DLG1: variants seen among roughly 807,000 people sequenced by gnomAD.
DLG1 encodes disks large homolog 1.
DLG1 carries 42 observed loss-of-function variants against 123.4 expected under a neutral mutation model. That is an observed-to-expected ratio of 0.34 (90% CI 0.27 to 0.44). The LOEUF is 0.44. Ranked by LOEUF, DLG1 falls within the 20% of genes least tolerant of loss-of-function variation. The pLI is 1.00. For synonymous variants in DLG1, 317 were observed against 356.2 expected (o/e 0.89, Z 1.24); for missense variants, 942 against 1,082.6 (o/e 0.87, Z 1.82).
intron 4 of DLG1, among the ~76,000 whole-genome samples, chr3:197,280,767 T>C (rs575560046): frequency 6.6e-6 from 1 of 152,276 alleles, no homozygotes; most frequent in South Asian, 2.1e-4. Context: ...GTTTAACATG[T>C]TTTTTACATA....
chr3:197,094,766 T>G (rs1405282508), intron 14 of DLG1, among the ~76,000 whole-genome samples: 3 of 152,216 alleles, frequency 2.0e-5, no homozygotes, highest in African/African-American at 7.2e-5. Flanking sequence ...GTTGATATAT[T>G]TGATTCCAGT....
chr3:197,287,734 C>T (rs184723135), intron 3 of DLG1, among the ~76,000 whole-genome samples: 1 of 152,158 alleles, frequency 6.6e-6, no homozygotes, highest in African/African-American at 2.4e-5. Flanking sequence ...CAACAAAATG[C>T]ACAATAAAAC....
At chr3:197,223,287 C>G (rs946663639) in intron 4 of DLG1, among the ~76,000 whole-genome samples, 3 of 152,086 alleles carry the variant, frequency 2.0e-5, no homozygotes, top group Admixed American at 2.0e-4. Context: ...GATACTGCTC[C>G]AATTATACAC....
At chr3:197,136,726 G>A (rs778111063) in intron 9 of DLG1, 48 bp from the exon 10 acceptor site, 26 of 1,527,058 alleles carry the variant, frequency 1.7e-5, no homozygotes, top group Non-Finnish European at 2.3e-5. Context: ...ATGAACTTAA[G>A]CCCAGAAAGA....
chr3:197,172,273 C>T (rs145471665), intron 5 of DLG1, among the ~76,000 whole-genome samples: 2 of 152,128 alleles, frequency 1.3e-5, no homozygotes, highest in African/African-American at 4.8e-5. Flanking sequence ...AAGTATAATA[C>T]ATATAATTAT....
At chr3:197,122,778 GA>G (rs1333836807) in intron 11 of DLG1, among the ~76,000 whole-genome samples, 2 of 152,064 alleles carry the variant, frequency 1.3e-5, no homozygotes, top group Admixed American at 1.3e-4. Context: ...TTCAATAAAA[GA>G]AGAGATATTC....
chr3:197,221,376 C>G (rs547711349), intron 4 of DLG1, among the ~76,000 whole-genome samples: 1 of 151,906 alleles, frequency 6.6e-6, no homozygotes, highest in South Asian at 2.1e-4. Context: ...AAAAATGAGC[C>G]GAGTGTGGTG....
chr3:197,267,824 C>A (rs1308467874), intron 4 of DLG1, among the ~76,000 whole-genome samples: 1 of 152,004 alleles, frequency 6.6e-6, no homozygotes, highest in African/African-American at 2.4e-5. Context: ...TACTTTGGGT[C>A]CTACTGAGAA....
At chr3:197,225,357 T>C (rs889181301) in intron 4 of DLG1, among the ~76,000 whole-genome samples, 2 of 152,236 alleles carry the variant, frequency 1.3e-5, no homozygotes, top group African/African-American at 2.4e-5. Flanking sequence ...ACCAGTTTCA[T>C]TTATAGGAAA....
At chr3:197,251,247 T>C (rs1390528658) in intron 4 of DLG1, among the ~76,000 whole-genome samples, 2 of 151,766 alleles carry the variant, frequency 1.3e-5, no homozygotes, top group Admixed American at 6.6e-5. Flanking sequence ...ATACAGACTC[T>C]AGGCAATGCC....
intron 18 of DLG1, among the ~76,000 whole-genome samples, chr3:197,073,972 T>C (rs936205188): frequency 6.6e-6 from 1 of 152,106 alleles, no homozygotes; most frequent in Non-Finnish European, 1.5e-5. Context: ...TCTCTCAAGA[T>C]TTTGCTTAGT....
At chr3:197,161,410 C>A (rs1272506084) in intron 5 of DLG1, among the ~76,000 whole-genome samples, 1 of 152,062 alleles carries the variant, frequency 6.6e-6, no homozygotes, top group Non-Finnish European at 1.5e-5. Context: ...ATCTAAGGTT[C>A]AATATTATGA....
intron 5 of DLG1, among the ~76,000 whole-genome samples, chr3:197,174,905 G>GT (rs1283736929): frequency 1.3e-5 from 2 of 152,162 alleles, no homozygotes; most frequent in East Asian, 1.9e-4. Context: ...TGTCACAGCT[G>GT]TAACTTCTTC....
chr3:197,138,204 G>T lies in DLG1; in HGVS notation c.883+18C>A. On this transcript the variant is annotated intron_variant, in intron 9 of 24. Coordinates refer to ENST00000667157, the MANE Select transcript of DLG1 (RefSeq NM_001366207.1). ...AGAGATTTCTTAAAGATTTATCTTA[G>T]TTTGACTTACCACATACCTTTAGGA... is the stretch of plus-strand genomic sequence containing the variant. 2.8e-6 allele frequency: 4 copies of T among 1,454,406 alleles called. No individual in the cohort carries two copies. Among genetic ancestry groups the T allele is most frequent in the Non-Finnish European group, 3.7e-6 (4 of 1,083,124 alleles). The allele number at this position is 1,454,406 out of a possible 1,614,324, so 90.1% of individuals were successfully genotyped here. A position where few individuals can be genotyped will look rare whatever the true frequency, so the allele number is the denominator to read the frequency against.
intron 22 of DLG1, among the ~76,000 whole-genome samples, chr3:197,064,075 A>G (rs1036763992): frequency 6.6e-6 from 1 of 151,362 alleles, no homozygotes; most frequent in Non-Finnish European, 1.5e-5. Flanking sequence ...ATGCACCACC[A>G]CGCCAAGTTA....
At chr3:197,241,781 G>T (rs1263378476) in intron 4 of DLG1, among the ~76,000 whole-genome samples, 1 of 152,008 alleles carries the variant, frequency 6.6e-6, no homozygotes, top group Non-Finnish European at 1.5e-5. Flanking sequence ...AACTCTTTAA[G>T]ATAATTTGTT....
At chr3:197,273,490 T>TG in intron 4 of DLG1, among the ~76,000 whole-genome samples, 1 of 151,964 alleles carries the variant, frequency 6.6e-6, no homozygotes, top group Non-Finnish European at 1.5e-5. Context: ...TGCCCGCCTC[T>TG]GCCTCCCAAA....
chr3:197,211,425 T>C (rs1279865722), intron 4 of DLG1, among the ~76,000 whole-genome samples: 5 of 146,288 alleles, frequency 3.4e-5, no homozygotes, highest in African/African-American at 1.2e-4. Flanking sequence ...CTGTAGCACA[T>C]TAAAAAGCTA....
intron 5 of DLG1, among the ~76,000 whole-genome samples, chr3:197,171,492 A>G (rs1399041091): frequency 6.6e-6 from 1 of 152,232 alleles, no homozygotes; most frequent in Non-Finnish European, 1.5e-5. Context: ...CACTAAGGGT[A>G]TTAAAATCAT....
Sources: allele counts gnomAD v4.1 joint callset (sites outside exome capture counted in the v4.1 genomes callset), GRCh38; gene constraint gnomAD v4.1.1; transcripts MANE v1.5; gene names NCBI Gene and HGNC (gene_info 2026-07-23, HGNC 2026-07-21).